UBE3D: variants seen among roughly 807,000 people sequenced by gnomAD.
UBE3D encodes ubiquitin protein ligase E3D.
Under a neutral mutation model 49.6 loss-of-function variants are expected in UBE3D, and 48 were observed. That is an observed-to-expected ratio of 0.97 (90% CI 0.77 to 1.23). UBE3D has a LOEUF of 1.23. UBE3D is among the 50% of genes most tolerant of loss of function. The pLI is 0.00. For missense variants in UBE3D, 452 were observed against 468.4 expected, an observed-to-expected ratio of 0.96 and a Z score of 0.32; for synonymous variants, 189 against 174.2, an observed-to-expected ratio of 1.08 and a Z score of -0.67.
intron 9 of UBE3D, among the ~76,000 whole-genome samples, chr6:82,954,726 C>T (rs1007172338): frequency 1.3e-5 from 2 of 152,154 alleles, no homozygotes; most frequent in Non-Finnish European, 2.9e-5. Flanking sequence ...CGCCATTCCT[C>T]GCCATTATAA....
At position 82,892,810 on chromosome 6, in the gene UBE3D, C is replaced by T. The variant is rs1771032368; in HGVS notation, c.*212G>A. The T allele has an allele frequency of 1.7e-6, 1 of 575,622 alleles. No homozygotes were observed. The highest frequency in any genetic ancestry group is 3.1e-6 in the Non-Finnish European group (1 of 321,832). The allele number at this position is 575,622 out of a possible 1,614,324, so 35.7% of individuals were successfully genotyped here. A position where few individuals can be genotyped will look rare whatever the true frequency, so the allele number is the denominator to read the frequency against. ...TGCCTCAACCTGCTACTATGACTTT[C>T]TTCACAGTCCTGGGTTTTCAAAGAT... On this transcript the variant is annotated 3_prime_UTR_variant, in exon 10 of 10. Coordinates refer to ENST00000369747, the MANE Select transcript of UBE3D (RefSeq NM_198920.3).
intron 2 of UBE3D, among the ~76,000 whole-genome samples, chr6:83,056,382 G>T (rs1314573901): frequency 1.3e-5 from 2 of 152,124 alleles, no homozygotes; most frequent in African/African-American, 4.8e-5. Flanking sequence ...CTGTTGTGAA[G>T]GAGAAGGTGA....
rs1771051748 is a variant in UBE3D, at chr6:82,893,046, G to A, written c.1150-4C>T. 1.2e-6 allele frequency: 2 copies of A among 1,613,460 alleles called. No individual in the cohort carries two copies. Among genetic ancestry groups the A allele is most frequent in the Non-Finnish European group, 1.7e-6 (2 of 1,179,766 alleles). ...GTTACATCTTCAAAAAGGCCACCTG[G>A]AGAAGGAAGAAAAACCCACAATGCT... On this transcript the variant is annotated splice_polypyrimidine_tract_variant and splice_region_variant and intron_variant, in intron 9 of 9. Coordinates refer to ENST00000369747, the MANE Select transcript of UBE3D (RefSeq NM_198920.3).
At chr6:82,895,435 G>A (rs159049) in intron 9 of UBE3D, among the ~76,000 whole-genome samples, 6,043 of 152,216 alleles carry the variant, frequency 0.04, 412 homozygotes, top group African/African-American at 0.14. Context: ...GGTTGTCAAC[G>A]TAACTGGGAG....
chr6:82,993,003 G>A (rs568351679), intron 8 of UBE3D, among the ~76,000 whole-genome samples: 1 of 151,550 alleles, frequency 6.6e-6, no homozygotes, highest in South Asian at 2.1e-4. Context: ...TTACTAATGC[G>A]GACCTACCAC....
intron 8 of UBE3D, among the ~76,000 whole-genome samples, chr6:82,978,109 C>T (rs1273852815): frequency 6.9e-6 from 1 of 145,798 alleles, no homozygotes; most frequent in East Asian, 2.1e-4. Context: ...GTGCAGATAC[C>T]ACAAATGAAA....
At position 83,065,655 on chromosome 6, in the gene UBE3D, G is replaced by A. The variant is rs1329369679; in HGVS notation, c.64C>T (p.Leu22Phe). Residue 22 changes from leucine (L) to phenylalanine (F), a missense_variant, in exon 1 of 10, where the codon CTT becomes TTT. Transcript: ENST00000369747. ...LEVRGQLQSALLILGEPKEGG... is the reference protein window; with the variant it reads ...LEVRGQLQSAFLILGEPKEGG... ...CCCAGTTCTTACCCCAGGATCAGAA[G>A]CGCGCTCTGCAGCTGTCCCCGCACC... 1.2e-6 allele frequency: 2 copies of A among 1,613,960 alleles called. No homozygotes were observed. Among genetic ancestry groups the A allele is most frequent in the Non-Finnish European group, 8.5e-7 (1 of 1,179,910 alleles).
chr6:82,941,441 G>T (rs1270225435), intron 9 of UBE3D, among the ~76,000 whole-genome samples: 1 of 151,616 alleles, frequency 6.6e-6, no homozygotes, highest in Non-Finnish European at 1.5e-5. Flanking sequence ...AAAGTATATA[G>T]AAAAAAAAGA....
chr6:82,986,005 T>C (rs887673306), intron 8 of UBE3D, among the ~76,000 whole-genome samples: 1 of 152,190 alleles, frequency 6.6e-6, no homozygotes, highest in Non-Finnish European at 1.5e-5. Flanking sequence ...AACTATTGTT[T>C]CCAAACAAAC....
chr6:83,020,323 C>T (rs536362309), intron 7 of UBE3D, among the ~76,000 whole-genome samples: 66 of 144,778 alleles, frequency 4.6e-4, no homozygotes, highest in Admixed American at 1.1e-3. Flanking sequence ...TGCAGAAAAA[C>T]GCTAATCATG....
chr6:83,038,526 T>C, intron 4 of UBE3D, 41 bp from the exon 5 acceptor site: 1 of 1,533,438 alleles, frequency 6.5e-7, no homozygotes. Flanking sequence ...CATTCAGCTT[T>C]TCTTAAAAGG....
At chr6:82,911,917 T>C (rs1165026003) in intron 9 of UBE3D, among the ~76,000 whole-genome samples, 1 of 152,216 alleles carries the variant, frequency 6.6e-6, no homozygotes, top group African/African-American at 2.4e-5. Flanking sequence ...CTCCAATTAA[T>C]GCTGTACCTC....
intron 5 of UBE3D, chr6:83,037,738 C>T (rs1052317103): frequency 6.6e-6 from 1 of 152,248 alleles, no homozygotes; most frequent in South Asian, 2.1e-4. Flanking sequence ...ACACTATAAA[C>T]CATATCTTTA....
At chr6:82,954,315 G>C (rs1778814) in intron 9 of UBE3D, among the ~76,000 whole-genome samples, 1,545 of 152,176 alleles carry the variant, frequency 0.01, 13 homozygotes, top group Non-Finnish European at 0.015. Context: ...AATTGCATTA[G>C]AAATAGTAAG....
intron 8 of UBE3D, among the ~76,000 whole-genome samples, chr6:83,005,838 A>G (rs1779940148): frequency 6.6e-6 from 1 of 152,190 alleles, no homozygotes; most frequent in Non-Finnish European, 1.5e-5. Flanking sequence ...ACATACTACT[A>G]TGTGAATAAA....
the UBE3D span, among the ~76,000 whole-genome samples, chr6:82,886,317 A>T: frequency 2.0e-5 from 3 of 152,156 alleles, no homozygotes; most frequent in Non-Finnish European, 2.9e-5. Context: ...TTAGGTTCTT[A>T]TAAGGAGCAC....
Position 83,040,315 on chromosome 6 carries a change from G to T in UBE3D, c.598-1830C>A, listed in dbSNP as rs555862584. Among the ~76,000 whole-genome samples the T allele has an allele frequency of 3.9e-5, 6 of 151,934 alleles. No individual in the cohort carries two copies. In the East Asian group the frequency reaches 1.2e-3, roughly 30 times the overall value. On this transcript the variant is annotated intron_variant, in intron 4 of 9. Coordinates refer to ENST00000369747, the MANE Select transcript of UBE3D (RefSeq NM_198920.3). Reference sequence around the variant, plus strand: ...AGGAGAATCACAGGAACCCGGGAGGGGAAGGTTGCAGTGAGCCGAGATTGT... The same window carrying T: ...AGGAGAATCACAGGAACCCGGGAGGTGAAGGTTGCAGTGAGCCGAGATTGT...
intron 8 of UBE3D, among the ~76,000 whole-genome samples, chr6:82,999,779 C>G (rs1779494895): frequency 6.6e-6 from 1 of 152,178 alleles, no homozygotes; most frequent in African/African-American, 2.4e-5. Context: ...CTGCCGTTCA[C>G]AGCCAAACTT....
rs114060440 is a variant in UBE3D, at chr6:82,973,873, C to T, written c.1011-16423G>A. 4.4e-3 allele frequency among the ~76,000 whole-genome samples: 667 copies of T among 152,276 alleles called. 6 individuals carry two copies. Among genetic ancestry groups the T allele is most frequent in the African/African-American group, 0.015 (609 of 41,548 alleles). On this transcript the variant is annotated intron_variant, in intron 8 of 9. Coordinates refer to ENST00000369747, the MANE Select transcript of UBE3D (RefSeq NM_198920.3). The stretch of plus-strand genomic sequence containing the variant: ...GAGATAAGCAGCAGCATTAGATTCT[C>T]ATAAGAGCCTGAACCCTATTGTGAA...
Sources: gnomAD v4.1 joint callset for allele counts (sites outside exome capture counted in the v4.1 genomes callset) on GRCh38, gnomAD v4.1.1 for gene constraint, MANE v1.5 for transcripts, NCBI Gene and HGNC (gene_info 2026-07-23, HGNC 2026-07-21) for gene names.